The following TTC13 variants were observed in gnomAD, a reference collection of about 807,000 sequenced individuals.
The protein encoded by TTC13 is tetratricopeptide repeat domain 13, also known as tetratricopeptide repeat protein 13.
A neutral mutation model predicts 120.0 loss-of-function variants in TTC13; 62 were observed. The ratio of observed to expected loss-of-function variants is 0.52; its 90% CI spans 0.42 to 0.64. TTC13 has a LOEUF of 0.64. Among genes scored for constraint, TTC13 ranks in the 30% least tolerant of loss-of-function variants. The pLI, the probability that TTC13 is intolerant of heterozygous loss-of-function variation, is 0.00. For synonymous variants in TTC13, 384 were observed against 393.5 expected (o/e 0.98, Z 0.28); for missense variants, 824 against 1,050.2 (o/e 0.78, Z 2.98).
intron 6 of TTC13, among the ~76,000 whole-genome samples, chr1:230,943,139 C>T (rs1674663964): frequency 6.6e-6 from 1 of 152,078 alleles, no homozygotes; most frequent in African/African-American, 2.4e-5. Context: ...AAGTATGTCA[C>T]ATATACAGTA....
In TTC13 at chr1:230,906,869, G is replaced by A; in HGVS notation, c.*36C>T. On this transcript the variant is annotated 3_prime_UTR_variant, in exon 23 of 23. Coordinates refer to ENST00000366661, the MANE Select transcript of TTC13 (RefSeq NM_024525.5). ...TAAAAAATAACTTAAGAAGCAAGAGGTCCGGCCCTTTACTTGTATAAATAC... is the reference window on the plus strand; with the variant it reads ...TAAAAAATAACTTAAGAAGCAAGAGATCCGGCCCTTTACTTGTATAAATAC... 1 of 1,049,232 alleles carries A rather than the reference G, an allele frequency of 9.5e-7. No homozygotes were observed. Among genetic ancestry groups the A allele is most frequent in the Non-Finnish European group, 1.3e-6 (1 of 750,876 alleles). 65.0% of individuals were successfully genotyped at this position (1,049,232 alleles called of 1,614,324 possible).
intron 19 of TTC13, 62 bp downstream of exon 19, chr1:230,912,561 T>A: frequency 1.3e-6 from 2 of 1,569,196 alleles, no homozygotes; most frequent in Non-Finnish European, 1.7e-6. Flanking sequence ...AGGGCAGAGG[T>A]TCAAAAAATT....
At chr1:230,964,207 C>T (rs1014207258) in intron 1 of TTC13, among the ~76,000 whole-genome samples, 7 of 152,176 alleles carry the variant, frequency 4.6e-5, no homozygotes, top group African/African-American at 1.7e-4. Flanking sequence ...GATGTCCCTA[C>T]TTTTTTCTTA....
chr1:230,906,798 G>A lies in TTC13; in HGVS notation c.*107C>T. 2.3e-6 allele frequency: 1 copy of A among 438,822 alleles called. No individual in the cohort carries two copies. The highest frequency in any genetic ancestry group is 4.1e-6 in the Non-Finnish European group (1 of 243,750). 27.2% of individuals were successfully genotyped at this position (438,822 alleles called of 1,614,324 possible). Reference sequence around the variant, plus strand: ...AAGTATTCAATTCCTATAAAAATTGGTATCAAAAGTAATAGAGGACCTAAT... The same window carrying A: ...AAGTATTCAATTCCTATAAAAATTGATATCAAAAGTAATAGAGGACCTAAT... On this transcript the variant is annotated 3_prime_UTR_variant, in exon 23 of 23. Coordinates refer to ENST00000366661, the MANE Select transcript of TTC13 (RefSeq NM_024525.5).
In TTC13 at chr1:230,939,492, T is replaced by C. The variant is rs768325278; in HGVS notation, c.794A>G (p.Tyr265Cys). 6.2e-7 allele frequency: 1 copy of C among 1,603,630 alleles called. No homozygotes were observed. The highest frequency in any genetic ancestry group is 8.5e-7 in the Non-Finnish European group (1 of 1,171,876). Residue 265 changes from tyrosine (Y) to cysteine (C), a missense_variant, in exon 8 of 23, where the codon TAT (tyrosine) becomes TGT (cysteine). By Grantham distance (194) the Tyr-to-Cys change is radical. Around this residue, in one of 4 missense-constraint regions of TTC13, gnomAD observed 430 missense variants for 626.8 expected, o/e 0.69. Transcript: ENST00000366661. ...CTGAAAGTCTTCATGGGCTGTTGCA[T>C]AGTCCTACAAAAAGGAGAGTGGGGG... ...RGTLYFISED[Y>C]ATAHEDFQQS...
In TTC13 at chr1:230,963,635, AAAATAAATAAAT is replaced by A. The variant is rs145205225; in HGVS notation, c.272-2344_272-2333del. On this transcript the variant is annotated intron_variant, in intron 1 of 22. Coordinates refer to ENST00000366661, the MANE Select transcript of TTC13 (RefSeq NM_024525.5). ...GGATGACAGAGTAAGACCCTGTCTC[AAAATAAATAAAT>A]AAATAAATAAATAAATAAATAAATA... Among the ~76,000 whole-genome samples the A allele has an allele frequency of 5.5e-4, 80 of 146,186 alleles. No homozygotes were observed. In the Middle Eastern group the frequency reaches 0.01, roughly 19 times the overall value.
chr1:230,919,799 T>C (rs1355832424), intron 17 of TTC13, among the ~76,000 whole-genome samples: 3 of 152,192 alleles, frequency 2.0e-5, no homozygotes, highest in African/African-American at 4.8e-5. Context: ...TCCATCCACA[T>C]TGGCAAGGCC....
rs118130967 is a variant in TTC13, at chr1:230,911,966, C to T, written c.2230-417G>A. ...TCCGCATTGAGATTTGGATGATGCTCAATTATGTGTATAAACTTAGATGTT... is the reference window on the plus strand; with the variant it reads ...TCCGCATTGAGATTTGGATGATGCTTAATTATGTGTATAAACTTAGATGTT... On this transcript the variant is annotated intron_variant, in intron 19 of 22. Transcript: ENST00000366661. Among the ~76,000 whole-genome samples the T allele has an allele frequency of 2.2e-4, 33 of 152,220 alleles. No individual in the cohort carries two copies. The East Asian group carries it at 5.8e-3, about 27-fold the overall frequency.
intron 1 of TTC13, among the ~76,000 whole-genome samples, chr1:230,974,359 G>A (rs1015554598): frequency 6.6e-6 from 1 of 152,096 alleles, no homozygotes; most frequent in East Asian, 1.9e-4. Flanking sequence ...AGAGTCATGC[G>A]CCACATAATG....
chr1:230,931,885 T>A lies in TTC13; in HGVS notation c.984-8A>T. 1 of 1,613,624 alleles carries A rather than the reference T, an allele frequency of 6.2e-7. No homozygotes were observed. Among genetic ancestry groups the A allele is most frequent in the East Asian group, 2.2e-5 (1 of 44,890 alleles). On this transcript the variant is annotated splice_region_variant and splice_polypyrimidine_tract_variant and intron_variant, in intron 9 of 22. Transcript: ENST00000366661. ...TCAAAATTGCCCAGTTCTCTAGGTA[T>A]TTAATAATAGTTATGAATACAGTAT...
rs756066850 is a variant in TTC13, at chr1:230,939,512, T to TG, written c.790-17dup. ...TTGCATAGTCCTACAAAAAGGAGAGTGGGGGGAAAAATAAAATAGTATTCA... is the reference window on the plus strand; with the variant it reads ...TTGCATAGTCCTACAAAAAGGAGAGTGGGGGGGAAAAATAAAATAGTATTCA... On this transcript the variant is annotated splice_polypyrimidine_tract_variant and intron_variant, in intron 7 of 22. Transcript: ENST00000366661. The TG allele has an allele frequency of 2.9e-5, 44 of 1,529,230 alleles. No homozygotes were observed. The highest frequency in any genetic ancestry group is 3.5e-5 in the Non-Finnish European group (39 of 1,114,004). 94.7% of individuals were successfully genotyped at this position (1,529,230 alleles called of 1,614,324 possible). A position where few individuals can be genotyped will look rare whatever the true frequency, so the allele number is the denominator to read the frequency against.
Position 230,939,401 on chromosome 1 carries a change from G to A in TTC13, c.885C>T (p.His295=). The A allele has an allele frequency of 1.2e-6, 2 of 1,609,500 alleles. No individual in the cohort carries two copies. Among genetic ancestry groups the A allele is most frequent in the Non-Finnish European group, 1.7e-6 (2 of 1,176,450 alleles). Reference sequence around the variant, plus strand: ...ACACTTTCACCTTCAGAAGTCCTCTGTGAAAGAAAGTTAAACCTTTGTATA... The same window carrying A: ...ACACTTTCACCTTCAGAAGTCCTCTATGAAAGAAAGTTAAACCTTTGTATA... ...AMLYKGLTFF[H]RGLLKEAIES... Residue 295 remains histidine, a synonymous_variant, in exon 8 of 23, where the codon CAC becomes CAT. Transcript: ENST00000366661.
intron 4 of TTC13, among the ~76,000 whole-genome samples, chr1:230,953,586 T>C (rs1375439613): frequency 1.3e-5 from 2 of 152,208 alleles, no homozygotes; most frequent in African/African-American, 4.8e-5. Flanking sequence ...TTTAAATAAC[T>C]TGGTAGCAAG....
At chr1:230,938,927 C>T (rs1674316143) in intron 8 of TTC13, among the ~76,000 whole-genome samples, 1 of 152,164 alleles carries the variant, frequency 6.6e-6, no homozygotes, top group South Asian at 2.1e-4. Flanking sequence ...CTGTGAACTG[C>T]CCATATTTCC....
chr1:230,933,770 TTTAC>T lies in TTC13; in HGVS notation c.983+5_983+8del. The T allele has an allele frequency of 6.5e-7, 1 of 1,549,736 alleles. No homozygotes were observed. The highest frequency in any genetic ancestry group is 8.8e-7 in the Non-Finnish European group (1 of 1,135,022). ...TCCCTCCTACCCCAACTGTTATTAT[TTTAC>T]TCACCTATATGCCTGCCCTAGACTT... On this transcript the variant is annotated splice_donor_5th_base_variant and intron_variant, in intron 9 of 22. Coordinates refer to ENST00000366661, the MANE Select transcript of TTC13 (RefSeq NM_024525.5).
intron 1 of TTC13, among the ~76,000 whole-genome samples, chr1:230,962,349 C>A (rs1271786186): frequency 6.6e-6 from 1 of 152,104 alleles, no homozygotes; most frequent in Non-Finnish European, 1.5e-5. Flanking sequence ...AGTTGCTCAA[C>A]ATCATTACTA....
intron 1 of TTC13, among the ~76,000 whole-genome samples, chr1:230,976,769 T>A (rs1466715404): frequency 6.6e-6 from 1 of 152,188 alleles, no homozygotes; most frequent in African/African-American, 2.4e-5. Context: ...CAGGGAAATA[T>A]CGTAATACAA....
At chr1:230,923,609 T>C (rs572408930) in intron 15 of TTC13, among the ~76,000 whole-genome samples, 1 of 151,686 alleles carries the variant, frequency 6.6e-6, no homozygotes, top group African/African-American at 2.4e-5. Context: ...GGTTGTGCTC[T>C]ACACCAGACA....
chr1:230,974,381 G>C (rs899157461), intron 1 of TTC13, among the ~76,000 whole-genome samples: 1 of 152,182 alleles, frequency 6.6e-6, no homozygotes, highest in African/African-American at 2.4e-5. Flanking sequence ...TTCGGCCAAT[G>C]ATGGACCACG....
Sources: gnomAD v4.1 joint callset for allele counts (sites outside exome capture counted in the v4.1 genomes callset) on GRCh38, gnomAD v4.1.1 for gene constraint, gnomAD v4.1.1 regional missense constraint, MANE v1.5 for transcripts, NCBI Gene and HGNC (gene_info 2026-07-23, HGNC 2026-07-21) for gene names.